Variants in ANTXR2 observed in about 807,000 individuals in gnomAD.
ANTXR2 encodes ANTXR cell adhesion molecule 2, also known as anthrax toxin receptor 2.
In ANTXR2, 44 loss-of-function variants were observed where a neutral mutation model predicts 73.7. The observed-to-expected ratio is 0.60, with a 90% CI of 0.47 to 0.77. The LOEUF is 0.77. Ranked by LOEUF, ANTXR2 falls within the 30% of genes least tolerant of loss-of-function variation. The pLI is 0.00. For synonymous variants in ANTXR2, 217 were observed against 205.9 expected (o/e 1.05, Z -0.46); for missense variants, 604 against 592.5 (o/e 1.02, Z -0.20).
chr4:79,920,201 A>G (rs956130701), intron 16 of ANTXR2, among the ~76,000 whole-genome samples: 1 of 151,984 alleles, frequency 6.6e-6, no homozygotes, highest in South Asian at 2.1e-4. Context: ...CTAAAAACAA[A>G]TCTAGGACTC....
chr4:80,055,072 A>G (rs993167890), intron 6 of ANTXR2, 78 bp downstream of exon 6: 9 of 1,289,602 alleles, frequency 7.0e-6, no homozygotes, highest in African/African-American at 1.5e-5. Context: ...CAATGTCATC[A>G]GTGAAAAGAA....
Position 80,002,140 on chromosome 4 carries a change from C to T in ANTXR2, c.1041+6381G>A, listed in dbSNP as rs554272471. Among the ~76,000 whole-genome samples the T allele has an allele frequency of 1.0e-3, 157 of 152,210 alleles. 1 individual carries two copies. Among genetic ancestry groups the T allele is most frequent in the South Asian group, 9.1e-3 (44 of 4,830 alleles). On this transcript the variant is annotated intron_variant, in intron 12 of 16. Coordinates refer to ENST00000403729, the MANE Select transcript of ANTXR2 (RefSeq NM_058172.6). The stretch of plus-strand genomic sequence containing the variant: ...CAAAAGAACAAAGCTGGAGGCATCA[C>T]GCTACCTGACTTCAAACTATACTAC...
intron 12 of ANTXR2, among the ~76,000 whole-genome samples, chr4:79,994,827 T>C (rs1730648388): frequency 6.6e-6 from 1 of 152,022 alleles, no homozygotes; most frequent in Non-Finnish European, 1.5e-5. Flanking sequence ...AACTGCAAGA[T>C]AAACTATCAA....
chr4:80,056,036 G>GA (rs1560426701), intron 3 of ANTXR2, 23 bp from the exon 4 acceptor site: 1 of 1,463,430 alleles, frequency 6.8e-7, no homozygotes, highest in South Asian at 1.3e-5. Context: ...TTAAACAAAA[G>GA]AAAAAATGAG....
chr4:79,915,057 A>G (rs1404825391), intron 16 of ANTXR2, among the ~76,000 whole-genome samples: 3 of 152,182 alleles, frequency 2.0e-5, no homozygotes, highest in Non-Finnish European at 2.9e-5. Flanking sequence ...AATGATTAGT[A>G]TATCTTAGAG....
intron 10 of ANTXR2, among the ~76,000 whole-genome samples, chr4:80,021,119 C>T (rs1431157950): frequency 7.6e-6 from 1 of 132,158 alleles, no homozygotes; most frequent in Non-Finnish European, 1.5e-5. Flanking sequence ...ACTGCACCCC[C>T]AGCCTGGGCG....
At chr4:80,067,834 C>T (rs528721551) in intron 3 of ANTXR2, among the ~76,000 whole-genome samples, 1 of 152,322 alleles carries the variant, frequency 6.6e-6, no homozygotes, top group East Asian at 1.9e-4. Context: ...ACAACGCACA[C>T]TGGGGCCTGT....
chr4:80,027,416 A>G (rs1732494013), intron 10 of ANTXR2, among the ~76,000 whole-genome samples: 1 of 152,132 alleles, frequency 6.6e-6, no homozygotes, highest in African/African-American at 2.4e-5. Context: ...TCTAACCTCA[A>G]TTCTGCCACA....
chr4:80,062,298 C>A (rs1734299146), intron 3 of ANTXR2, among the ~76,000 whole-genome samples: 1 of 152,176 alleles, frequency 6.6e-6, no homozygotes, highest in African/African-American at 2.4e-5. Flanking sequence ...GTACTCAATT[C>A]ACACCTGAAG....
chr4:79,999,494 T>C (rs904674454), intron 12 of ANTXR2, among the ~76,000 whole-genome samples: 1 of 151,994 alleles, frequency 6.6e-6, no homozygotes, highest in Non-Finnish European at 1.5e-5. Flanking sequence ...AGGTAGTTCT[T>C]CATAGGAGTG....
At chr4:80,001,853 C>G (rs1367053978) in intron 12 of ANTXR2, among the ~76,000 whole-genome samples, 3 of 151,046 alleles carry the variant, frequency 2.0e-5, no homozygotes, top group Non-Finnish European at 4.4e-5. Flanking sequence ...TCTGTTTTAT[C>G]AGAGACTAGG....
chr4:80,056,135 A>AT (rs748040497), intron 3 of ANTXR2, 122 bp from the exon 4 acceptor site: 1 of 578,354 alleles, frequency 1.7e-6, no homozygotes, highest in Non-Finnish European at 2.8e-6. Context: ...AGGAAAGAAC[A>AT]TGGGCTTTGA....
chr4:79,955,440 G>T (rs189404420), intron 16 of ANTXR2, among the ~76,000 whole-genome samples: 1 of 151,282 alleles, frequency 6.6e-6, no homozygotes, highest in Non-Finnish European at 1.5e-5. Context: ...CATTATTGCT[G>T]GCCTCATGAA....
chr4:79,962,134 T>C (rs1729169102), intron 16 of ANTXR2, among the ~76,000 whole-genome samples: 1 of 152,208 alleles, frequency 6.6e-6, no homozygotes. Context: ...ATTATTTTAT[T>C]GAAACTAAGA....
chr4:80,033,511 CACTGCCATTCCG>C lies in ANTXR2; in HGVS notation c.745_756del (p.Arg249_Ser252del). On this transcript the variant is annotated inframe_deletion, in exon 9 of 17. Transcript: ENST00000403729. ...TCATTTACAGTGTAAGTGCAGAGAA[CACTGCCATTCCG>C]ACTGCCCAGCATGAATCCTCTTCCA... is the stretch of plus-strand genomic sequence containing the variant. 6.2e-7 allele frequency: 1 copy of C among 1,600,532 alleles called. No individual in the cohort carries two copies. Among genetic ancestry groups the C allele is most frequent in the East Asian group, 2.3e-5 (1 of 44,262 alleles).
intron 16 of ANTXR2, among the ~76,000 whole-genome samples, chr4:79,948,005 G>A (rs1208700270): frequency 2.0e-5 from 3 of 152,020 alleles, no homozygotes; most frequent in Admixed American, 1.3e-4. Context: ...CTCATTTCTA[G>A]CTTGCAAAAC....
intron 3 of ANTXR2, among the ~76,000 whole-genome samples, chr4:80,069,056 T>C (rs527516818): frequency 1.5e-4 from 23 of 152,296 alleles, no homozygotes; most frequent in African/African-American, 5.5e-4. Flanking sequence ...TCTAGGAAAT[T>C]ATCCAAAAGG....
intron 16 of ANTXR2, among the ~76,000 whole-genome samples, chr4:79,956,906 G>C: frequency 6.6e-6 from 1 of 152,058 alleles, no homozygotes; most frequent in East Asian, 1.9e-4. Context: ...CTGTTTTTCA[G>C]TTAATGAACC....
intron 10 of ANTXR2, among the ~76,000 whole-genome samples, chr4:80,027,335 A>G (rs1732490704): frequency 6.6e-6 from 1 of 152,144 alleles, no homozygotes. Flanking sequence ...TTATTCCAGG[A>G]AAAATAGATT....
Sources: gnomAD v4.1 joint callset for allele counts (sites outside exome capture counted in the v4.1 genomes callset) on GRCh38, gnomAD v4.1.1 for gene constraint, MANE v1.5 for transcripts, NCBI Gene and HGNC (gene_info 2026-07-23, HGNC 2026-07-21) for gene names.